SGCE: variants seen among roughly 807,000 people sequenced by gnomAD.
SGCE encodes sarcoglycan epsilon.
Under a neutral mutation model 57.8 loss-of-function variants are expected in SGCE, and 26 were observed. The observed-to-expected ratio is 0.45, with a 90% CI of 0.33 to 0.62. The LOEUF (loss-of-function observed/expected upper bound fraction) is 0.62, where lower values mean the gene tolerates loss of function less well. Among genes scored for constraint, SGCE ranks in the 20% least tolerant of loss-of-function variants. SGCE has a pLI of 0.02. For missense variants in SGCE, 468 were observed against 548.6 expected (o/e 0.85, Z 1.47); for synonymous variants, 183 against 189.5 (o/e 0.97, Z 0.28).
At chr7:94,645,991 C>T (rs2117071692) in intron 1 of SGCE, among the ~76,000 whole-genome samples, 1 of 152,170 alleles carries the variant, frequency 6.6e-6, no homozygotes, top group Non-Finnish European at 1.5e-5. Context: ...AAATGATATT[C>T]TATAGAAATA....
intron 9 of SGCE, 89 bp downstream of exon 9, chr7:94,598,686 A>AC (rs1375055429): frequency 4.2e-6 from 4 of 961,824 alleles, no homozygotes; most frequent in African/African-American, 1.6e-5. Context: ...ATAAACAAAC[A>AC]AACACAACAA....
intron 9 of SGCE, among the ~76,000 whole-genome samples, chr7:94,592,101 T>C (rs556347585): frequency 6.6e-6 from 1 of 152,340 alleles, no homozygotes; most frequent in South Asian, 2.1e-4. Context: ...GTCTCCAAGA[T>C]GTGTGCACAT....
At chr7:94,588,393 G>C in intron 10 of SGCE, 1 of 1,174,252 alleles carries the variant, frequency 8.5e-7, no homozygotes. Context: ...TCATACCAAG[G>C]GGAAGAATAG....
intron 1 of SGCE, among the ~76,000 whole-genome samples, chr7:94,631,831 GC>G (rs1236022922): frequency 1.3e-5 from 2 of 151,914 alleles, no homozygotes; most frequent in Non-Finnish European, 2.9e-5. Flanking sequence ...TACATCCAAA[GC>G]AGAGAACATT....
Position 94,623,327 on chromosome 7 carries a change from T to C in SGCE, c.461A>G (p.Glu154Gly), listed in dbSNP as rs2116917874. Residue 154 changes from glutamate (E) to glycine (G), a missense_variant and splice_region_variant, in exon 4 of 11, where the codon GAA becomes GGA. Physicochemically the swap from Glu to Gly is moderately conservative, Grantham distance 98 (BLOSUM62 -2). Coordinates refer to ENST00000648936, the MANE Select transcript of SGCE (RefSeq NM_003919.3). ...HNLIINIMSA[E>G]DFPLPYQAEF... ...GATCAACATATTTTCATACCTACCT[T>C]CTGCAGACATTATATTAATTATCAA... is the stretch of plus-strand genomic sequence containing the variant. 1 of 1,572,840 alleles carries C rather than the reference T, an allele frequency of 6.4e-7. No homozygotes were observed. The highest frequency in any genetic ancestry group is 8.7e-7 in the Non-Finnish European group (1 of 1,145,038).
At chr7:94,591,037 T>G (rs1008319913) in intron 9 of SGCE, among the ~76,000 whole-genome samples, 3 of 152,182 alleles carry the variant, frequency 2.0e-5, no homozygotes, top group Non-Finnish European at 4.4e-5. Context: ...ACTTAATAAT[T>G]CATCCCGACG....
At chr7:94,587,378 T>C in intron 10 of SGCE, 2 of 1,074,690 alleles carry the variant, frequency 1.9e-6, no homozygotes, top group Non-Finnish European at 2.3e-6. Flanking sequence ...TTCTAGAAAT[T>C]GCCTGCTTCC....
intron 10 of SGCE, among the ~76,000 whole-genome samples, chr7:94,586,083 A>AAC (rs1796871760): frequency 6.6e-6 from 1 of 150,796 alleles, no homozygotes; most frequent in Non-Finnish European, 1.5e-5. Context: ...AAAAAAAAAA[A>AAC]AAAACAACAA....
chr7:94,590,388 C>T (rs558484826), intron 9 of SGCE: 2 of 152,066 alleles, frequency 1.3e-5, no homozygotes, highest in African/African-American at 4.8e-5. Flanking sequence ...TCATTGTATT[C>T]TCTGTATATA....
intron 1 of SGCE, among the ~76,000 whole-genome samples, chr7:94,633,471 T>C (rs1384421379): frequency 1.3e-5 from 2 of 152,086 alleles, no homozygotes; most frequent in African/African-American, 4.8e-5. Flanking sequence ...TAGATCCAAT[T>C]TATCTCATCA....
intron 7 of SGCE, chr7:94,599,933 G>GA (rs1584527884): frequency 1.2e-5 from 5 of 405,460 alleles, no homozygotes; most frequent in African/African-American, 4.1e-5. Context: ...ATAGAAAAAT[G>GA]AAAAAAATGG....
rs1799224252 is a variant in SGCE, at chr7:94,601,453, A to AC, written c.826-597_826-596insG. On this transcript the variant is annotated intron_variant, in intron 6 of 10. Coordinates refer to ENST00000648936, the MANE Select transcript of SGCE (RefSeq NM_003919.3). ...ATTCTATCCCAGTATCAAAAAAAAA[A>AC]AAAAAAAAAAAAAAAAAAAAAAACT... Among the ~76,000 whole-genome samples the AC allele has an allele frequency of 6.1e-5, 4 of 65,804 alleles. No homozygotes were observed. In the Admixed American group the frequency reaches 7.4e-4, roughly 12 times the overall value. The allele number at this position is 65,804 out of a possible 152,430, so 43.2% of individuals were successfully genotyped here.
At chr7:94,640,284 G>A (rs1806198022) in intron 1 of SGCE, among the ~76,000 whole-genome samples, 1 of 152,134 alleles carries the variant, frequency 6.6e-6, no homozygotes, top group Admixed American at 6.5e-5. Context: ...CAGATTTAAA[G>A]TTCTTCTCCA....
At chr7:94,588,836 A>G (rs1797261360) in intron 9 of SGCE, 104 bp from the exon 10 acceptor site, 1 of 1,274,968 alleles carries the variant, frequency 7.8e-7, no homozygotes. Flanking sequence ...CTATGACCCC[A>G]GTCATGTAAT....
At chr7:94,601,476 A>AAC (rs1288229007) in intron 6 of SGCE, among the ~76,000 whole-genome samples, 2 of 134,948 alleles carry the variant, frequency 1.5e-5, no homozygotes, top group African/African-American at 2.7e-5. Context: ...AAAAAAAAAA[A>AAC]CTACAACAGT....
At chr7:94,588,604 G>A in intron 10 of SGCE, 85 bp downstream of exon 10, 2 of 1,554,526 alleles carry the variant, frequency 1.3e-6, no homozygotes, top group Admixed American at 3.4e-5. Flanking sequence ...TGAAGATAAA[G>A]CTTCATAAAT....
At chr7:94,645,640 G>T (rs1031767404) in intron 1 of SGCE, among the ~76,000 whole-genome samples, 3 of 152,072 alleles carry the variant, frequency 2.0e-5, no homozygotes, top group Non-Finnish European at 4.4e-5. Flanking sequence ...ACAGTGTCTG[G>T]GTTCAAATCC....
intron 3 of SGCE, chr7:94,627,170 G>A (rs2116949061): frequency 6.6e-6 from 1 of 152,002 alleles, no homozygotes; most frequent in South Asian, 2.1e-4. Flanking sequence ...CAACTGAATT[G>A]GCCAATGTGG....
intron 1 of SGCE, among the ~76,000 whole-genome samples, chr7:94,641,513 T>C (rs1410067783): frequency 6.6e-6 from 1 of 151,932 alleles, no homozygotes; most frequent in Non-Finnish European, 1.5e-5. Context: ...GCATAACTGA[T>C]AAGATACAAT....
Sources: gnomAD v4.1 joint callset for allele counts (sites outside exome capture counted in the v4.1 genomes callset) on GRCh38, gnomAD v4.1.1 for gene constraint, MANE v1.5 for transcripts, NCBI Gene and HGNC (gene_info 2026-07-23, HGNC 2026-07-21) for gene names.